MMP16: variants seen among roughly 807,000 people sequenced by gnomAD.
The protein encoded by MMP16 is matrix metallopeptidase 16, also known as matrix metalloproteinase-16.
Under a neutral mutation model 67.8 loss-of-function variants are expected in MMP16, and 12 were observed. The observed-to-expected ratio is 0.18, with a 90% CI of 0.11 to 0.29. The LOEUF (loss-of-function observed/expected upper bound fraction) is 0.29. Ranked by LOEUF, MMP16 falls within the 10% of genes least tolerant of loss-of-function variation. The probability of loss-of-function intolerance (pLI) is 1.00; values close to 1 mark genes in which losing one functional copy is unlikely to be tolerated. For missense variants in MMP16, 475 were observed against 765.7 expected, an observed-to-expected ratio of 0.62 and a Z score of 4.48; for synonymous variants, 249 against 255.9, an observed-to-expected ratio of 0.97 and a Z score of 0.26.
At chr8:88,213,843 C>T (rs1350145991) in intron 1 of MMP16, among the ~76,000 whole-genome samples, 1 of 152,236 alleles carries the variant, frequency 6.6e-6, no homozygotes, top group East Asian at 1.9e-4. Context: ...ACTGTTCCTT[C>T]TCCTTCTCTT....
In MMP16 at chr8:88,037,141, T is replaced by C. The variant is rs1030781316; in HGVS notation, c.*4320A>G. On this transcript the variant is annotated 3_prime_UTR_variant, in exon 10 of 10. Transcript: ENST00000286614. Reference sequence around the variant, plus strand: ...CCATACTAGATATATTAGCATAACATGTAGAACTTGCAAATATGACTACCC... The same window carrying C: ...CCATACTAGATATATTAGCATAACACGTAGAACTTGCAAATATGACTACCC... 1.3e-5 allele frequency: 2 copies of C among 150,194 alleles called. No individual in the cohort carries two copies. Among genetic ancestry groups the C allele is most frequent in the Admixed American group, 1.3e-4 (2 of 14,860 alleles). The allele number at this position is 150,194 out of a possible 1,614,324, so 9.3% of individuals were successfully genotyped here.
chr8:88,250,029 G>A (rs1394820089), intron 1 of MMP16, among the ~76,000 whole-genome samples: 2 of 152,048 alleles, frequency 1.3e-5, no homozygotes, highest in Non-Finnish European at 2.9e-5. Context: ...ACTCATCTCT[G>A]TAGCTGTCAT....
chr8:88,066,393 A>G (rs910315183), intron 7 of MMP16, among the ~76,000 whole-genome samples: 2 of 151,356 alleles, frequency 1.3e-5, no homozygotes, highest in Admixed American at 1.3e-4. Context: ...AGTTGCTGGG[A>G]AAAAAAAACA....
intron 1 of MMP16, among the ~76,000 whole-genome samples, chr8:88,283,317 T>C (rs888995238): frequency 1.9e-4 from 29 of 152,228 alleles, no homozygotes; most frequent in African/African-American, 5.5e-4. Context: ...AGAGTGTTAA[T>C]TGCATGAGCA....
At chr8:88,161,733 G>C (rs571548016) in intron 4 of MMP16, among the ~76,000 whole-genome samples, 1 of 152,102 alleles carries the variant, frequency 6.6e-6, no homozygotes, top group African/African-American at 2.4e-5. Flanking sequence ...ACGTGTCCCA[G>C]AGATTCTGGT....
rs145354147 is a variant in MMP16 at position 88,198,379 on chromosome 8, T to C, written c.133-1073A>G. Among the ~76,000 whole-genome samples the C allele has an allele frequency of 1.6e-4, 24 of 152,260 alleles. 2 individuals are homozygous for C. Among genetic ancestry groups the C allele is most frequent in the Middle Eastern group, 3.4e-3 (1 of 294 alleles). On this transcript the variant is annotated intron_variant, in intron 1 of 9. Transcript: ENST00000286614. ...AGTAATTCTGTCCCTGGCATAAAAA[T>C]AGAAGCCTTGCTATTTAGTGAAAGC...
intron 4 of MMP16, among the ~76,000 whole-genome samples, chr8:88,160,508 T>C (rs1808600300): frequency 1.3e-5 from 2 of 152,072 alleles, no homozygotes; most frequent in Admixed American, 1.3e-4. Flanking sequence ...AAGACATTTA[T>C]GTAGCCAAAA....
intron 4 of MMP16, among the ~76,000 whole-genome samples, chr8:88,153,218 A>T: frequency 6.6e-6 from 1 of 151,688 alleles, no homozygotes; most frequent in Non-Finnish European, 1.5e-5. Context: ...ATAAAAGAGG[A>T]TACAAACAAA....
chr8:88,318,160 T>A (rs760928421), intron 1 of MMP16, among the ~76,000 whole-genome samples: 1 of 152,202 alleles, frequency 6.6e-6, no homozygotes, highest in Non-Finnish European at 1.5e-5. Context: ...ATTTTCTGTA[T>A]TGTTCAATTC....
chr8:88,060,587 T>C (rs982205190), intron 7 of MMP16, among the ~76,000 whole-genome samples: 1 of 152,112 alleles, frequency 6.6e-6, no homozygotes, highest in Non-Finnish European at 1.5e-5. Flanking sequence ...TTTCAAAACT[T>C]AGCTTAGCAC....
At chr8:88,051,654 A>T (rs139571526) in intron 8 of MMP16, among the ~76,000 whole-genome samples, 1 of 152,210 alleles carries the variant, frequency 6.6e-6, no homozygotes, top group Admixed American at 6.5e-5. Context: ...CTTTGTAAAC[A>T]TAACACTTAA....
intron 1 of MMP16, among the ~76,000 whole-genome samples, chr8:88,222,722 C>G (rs1450779566): frequency 9.2e-5 from 14 of 152,030 alleles, no homozygotes; most frequent in African/African-American, 3.1e-4. Context: ...TTAAATGTTA[C>G]AGCTAAAACC....
chr8:88,315,409 T>A (rs948442679), intron 1 of MMP16, among the ~76,000 whole-genome samples: 2 of 152,212 alleles, frequency 1.3e-5, no homozygotes, highest in Non-Finnish European at 2.9e-5. Flanking sequence ...AAATATCTTG[T>A]AGCATTAGTT....
chr8:88,101,882 T>C (rs1473723742), intron 6 of MMP16, among the ~76,000 whole-genome samples: 1 of 151,844 alleles, frequency 6.6e-6, no homozygotes, highest in African/African-American at 2.4e-5. Context: ...TATCTGGCTG[T>C]CTCTGATTCT....
At chr8:88,250,020 C>A (rs1004061724) in intron 1 of MMP16, among the ~76,000 whole-genome samples, 8 of 152,200 alleles carry the variant, frequency 5.3e-5, no homozygotes, top group African/African-American at 1.9e-4. Flanking sequence ...TAAGCAAAAA[C>A]TCATCTCTGT....
intron 1 of MMP16, among the ~76,000 whole-genome samples, chr8:88,268,946 A>T (rs1440340067): frequency 6.6e-6 from 1 of 152,106 alleles, no homozygotes; most frequent in Non-Finnish European, 1.5e-5. Context: ...TCCCCTATAC[A>T]AATACAGGAT....
At chr8:88,200,748 C>T (rs942760661) in intron 1 of MMP16, among the ~76,000 whole-genome samples, 1 of 151,724 alleles carries the variant, frequency 6.6e-6, no homozygotes, top group Admixed American at 6.6e-5. Context: ...GACTTTGTCA[C>T]TAATATTTCA....
chr8:88,112,564 T>C (rs1809354429), intron 6 of MMP16, among the ~76,000 whole-genome samples: 1 of 151,744 alleles, frequency 6.6e-6, no homozygotes, highest in South Asian at 2.1e-4. Flanking sequence ...CTCTCTTCTT[T>C]GGCATTTTGT....
intron 4 of MMP16, among the ~76,000 whole-genome samples, chr8:88,151,428 C>T (rs1319287099): frequency 1.1e-4 from 17 of 150,908 alleles, no homozygotes; most frequent in African/African-American, 4.1e-4. Context: ...CAGCACCACA[C>T]CACACCTATT....
Sources: gnomAD v4.1 joint callset for allele counts (sites outside exome capture counted in the v4.1 genomes callset) on GRCh38, gnomAD v4.1.1 for gene constraint, MANE v1.5 for transcripts, NCBI Gene and HGNC (gene_info 2026-07-23, HGNC 2026-07-21) for gene names.